Variants in AGAP1 observed in about 807,000 individuals in gnomAD.
The protein encoded by AGAP1 is arf-GAP with GTPase, ANK repeat and PH domain-containing protein 1.
Under a neutral mutation model 105.3 loss-of-function variants are expected in AGAP1, and 29 were observed. The ratio of observed to expected loss-of-function variants is 0.28; its 90% CI spans 0.21 to 0.38. The LOEUF is 0.38. Ranked by LOEUF, AGAP1 falls within the 10% of genes least tolerant of loss-of-function variation. The pLI, the probability that AGAP1 is intolerant of heterozygous loss-of-function variation, is 1.00. For missense variants in AGAP1, 998 were observed against 1,165.1 expected (o/e 0.86, Z 2.09); for synonymous variants, 509 against 485.9 (o/e 1.05, Z -0.63).
In AGAP1 at chr2:236,126,337, G is replaced by A. The variant is rs542943553; in HGVS notation, c.*2215G>A. 6.6e-6 allele frequency: 1 copy of A among 152,150 alleles called. No homozygotes were observed. Among genetic ancestry groups the A allele is most frequent in the African/African-American group, 2.4e-5 (1 of 41,496 alleles). 9.4% of individuals were successfully genotyped at this position (152,150 alleles called of 1,614,324 possible). A position where few individuals can be genotyped will look rare whatever the true frequency, so the allele number is the denominator to read the frequency against. ...GTGTTCGAGTCCACTAGACACACTC[G>A]CTCCACACAGCCTTCACCGTAGACT... On this transcript the variant is annotated 3_prime_UTR_variant, in exon 18 of 18. Coordinates refer to ENST00000304032, the MANE Select transcript of AGAP1 (RefSeq NM_001037131.3).
rs183610582 is a variant in AGAP1, at chr2:235,692,681, G to A, written c.164-16498G>A. On this transcript the variant is annotated intron_variant, in intron 1 of 17. Coordinates refer to ENST00000304032, the MANE Select transcript of AGAP1 (RefSeq NM_001037131.3). The surrounding 1 kb of genome is among the most constrained non-coding windows in gnomAD (Gnocchi z 5.8). ...TCAGGCCCAGCACCTCAGAGAAGCCGATGACTGACGTGCACCCCGCCAGCC... is the reference window on the plus strand; with the variant it reads ...TCAGGCCCAGCACCTCAGAGAAGCCAATGACTGACGTGCACCCCGCCAGCC... Among the ~76,000 whole-genome samples the A allele has an allele frequency of 5.9e-5, 9 of 152,208 alleles. No homozygotes were observed. Among genetic ancestry groups the A allele is most frequent in the African/African-American group, 2.2e-4 (9 of 41,540 alleles).
chr2:235,968,850 C>T (rs1201425666), intron 13 of AGAP1, among the ~76,000 whole-genome samples: 2 of 152,164 alleles, frequency 1.3e-5, no homozygotes, highest in Admixed American at 1.3e-4. Flanking sequence ...CTCTTGGCCG[C>T]CGTCGCTGGT....
Position 235,621,067 on chromosome 2 carries a change from G to T in AGAP1, c.164-88112G>T, listed in dbSNP as rs779400666. ...ACCCAGTCTCGCTCTTGTCTCCCAG[G>T]CTGGAGTACAATGGCACAATCTTGG... On this transcript the variant is annotated intron_variant, in intron 1 of 17. Coordinates refer to ENST00000304032, the MANE Select transcript of AGAP1 (RefSeq NM_001037131.3). The surrounding 1 kb of genome is among the most constrained non-coding windows in gnomAD (Gnocchi z 4.1). 6.6e-6 allele frequency among the ~76,000 whole-genome samples: 1 copy of T among 152,070 alleles called. No individual in the cohort carries two copies. Among genetic ancestry groups the T allele is most frequent in the African/African-American group, 2.4e-5 (1 of 41,406 alleles).
At chr2:236,004,787 G>A (rs912236216) in intron 13 of AGAP1, among the ~76,000 whole-genome samples, 3 of 152,226 alleles carry the variant, frequency 2.0e-5, no homozygotes, top group African/African-American at 4.8e-5. Context: ...CATATAGTGT[G>A]TGTGCCACAG....
chr2:235,857,877 C>A (rs760627227), intron 9 of AGAP1, among the ~76,000 whole-genome samples: 1 of 152,220 alleles, frequency 6.6e-6, no homozygotes, highest in East Asian at 1.9e-4. Flanking sequence ...GCAGGCCTAT[C>A]GCCCTGTGCC....
In AGAP1 at chr2:235,618,983, G is replaced by T. The variant is rs569907385; in HGVS notation, c.164-90196G>T. 3.3e-5 allele frequency among the ~76,000 whole-genome samples: 5 copies of T among 152,300 alleles called. No homozygotes were observed. The East Asian group carries it at 9.6e-4, about 29-fold the overall frequency. ...GATCTTTTGGGTCAGAGTCACAGAAGGAGATGTGAATATGAAAGCAGAGGC... is the reference window on the plus strand; with the variant it reads ...GATCTTTTGGGTCAGAGTCACAGAATGAGATGTGAATATGAAAGCAGAGGC... On this transcript the variant is annotated intron_variant, in intron 1 of 17. Coordinates refer to ENST00000304032, the MANE Select transcript of AGAP1 (RefSeq NM_001037131.3).
In AGAP1 at chr2:235,959,636, T is replaced by C. The variant is rs1029430593; in HGVS notation, c.1484-8826T>C. Reference sequence around the variant, plus strand: ...CACTTCCTGCCCGACTTCTGTCTCCTGCCACGGCCCCCCTCAATTCACATC... The same window carrying C: ...CACTTCCTGCCCGACTTCTGTCTCCCGCCACGGCCCCCCTCAATTCACATC... On this transcript the variant is annotated intron_variant, in intron 12 of 17. Coordinates refer to ENST00000304032, the MANE Select transcript of AGAP1 (RefSeq NM_001037131.3). The surrounding 1 kb of genome is among the most constrained non-coding windows in gnomAD (Gnocchi z 7.3). Among the ~76,000 whole-genome samples, 2 of 152,056 alleles carry C rather than the reference T, an allele frequency of 1.3e-5. No individual in the cohort carries two copies. The highest frequency in any genetic ancestry group is 4.8e-5 in the African/African-American group (2 of 41,412).
At position 235,988,713 on chromosome 2, in the gene AGAP1, G is replaced by A. The variant is rs886733334; in HGVS notation, c.1645+20090G>A. ...GACGAGAAATGATTATTTTTTTCCC[G>A]CCGACTCCACTCTGGCCAAGACGAG... On this transcript the variant is annotated intron_variant, in intron 13 of 17. Coordinates refer to ENST00000304032, the MANE Select transcript of AGAP1 (RefSeq NM_001037131.3). This position sits in a 1 kb window ranked among gnomAD's most constrained non-coding sequence, Gnocchi z 4.7. Among the ~76,000 whole-genome samples the A allele has an allele frequency of 1.3e-5, 2 of 151,930 alleles. No individual in the cohort carries two copies. The highest frequency in any genetic ancestry group is 6.6e-5 in the Admixed American group (1 of 15,256).
chr2:235,809,950 C>G (rs368986179), intron 9 of AGAP1, among the ~76,000 whole-genome samples: 1 of 152,268 alleles, frequency 6.6e-6, no homozygotes, highest in Non-Finnish European at 1.5e-5. Context: ...TAGCTGTGTT[C>G]TCCTTATTTT....
chr2:236,120,621 G>A lies in AGAP1; in HGVS notation c.2370+174G>A, dbSNP rs189802842. On this transcript the variant is annotated intron_variant, in intron 17 of 17. Transcript: ENST00000304032. The surrounding 1 kb of genome is among the most constrained non-coding windows in gnomAD (Gnocchi z 6.0). ...CAGAGGGCCTTACGGAGAGACAGCCGGTCCTCCTTGTACAGTACTTGCTAG... is the reference window on the plus strand; with the variant it reads ...CAGAGGGCCTTACGGAGAGACAGCCAGTCCTCCTTGTACAGTACTTGCTAG... Among the ~76,000 whole-genome samples, 64 of 152,330 alleles carry A rather than the reference G, an allele frequency of 4.2e-4. No homozygotes were observed. Among genetic ancestry groups the A allele is most frequent in the Non-Finnish European group, 7.8e-4 (53 of 68,036 alleles).
At position 236,005,884 on chromosome 2, in the gene AGAP1, T is replaced by G. The variant is rs2056305039; in HGVS notation, c.1646-30677T>G. 6.6e-6 allele frequency among the ~76,000 whole-genome samples: 1 copy of G among 152,222 alleles called. No homozygotes were observed. Among genetic ancestry groups the G allele is most frequent in the East Asian group, 1.9e-4 (1 of 5,194 alleles). ...TGATCCTTTGACTTGAGGTAGTGTC[T>G]GTCAAGTTATTCTGCTGTAAAGTCA... is the stretch of plus-strand genomic sequence containing the variant. On this transcript the variant is annotated intron_variant, in intron 13 of 17. Transcript: ENST00000304032. The surrounding 1 kb of genome is among the most constrained non-coding windows in gnomAD (Gnocchi z 4.1).
chr2:236,038,055 CATT>C lies in AGAP1; in HGVS notation c.1800+1349_1800+1351del, dbSNP rs72418098. Among the ~76,000 whole-genome samples, 1,187 of 152,264 alleles carry C rather than the reference CATT, an allele frequency of 7.8e-3. 12 individuals are homozygous for C. The highest frequency in any genetic ancestry group is 0.027 in the African/African-American group (1,124 of 41,532). On this transcript the variant is annotated intron_variant, in intron 14 of 17. Transcript: ENST00000304032. The surrounding 1 kb of genome is among the most constrained non-coding windows in gnomAD (Gnocchi z 4.5). ...TAACCAGGGTAAACCAGACCACAGTCATTATTATTATAATGTAATTTGCTTCCC... is the reference window on the plus strand; with the variant it reads ...TAACCAGGGTAAACCAGACCACAGTCATTATTATAATGTAATTTGCTTCCC...
intron 1 of AGAP1, chr2:235,670,474 G>A (rs1165168087): frequency 1.3e-5 from 7 of 521,694 alleles, no homozygotes; most frequent in East Asian, 1.1e-4. Context: ...GCAGCGCCCC[G>A]GCCGAGGAGG....
At chr2:235,696,206 C>T (rs1276253024) in intron 1 of AGAP1, among the ~76,000 whole-genome samples, 1 of 152,144 alleles carries the variant, frequency 6.6e-6, no homozygotes, top group African/African-American at 2.4e-5. Flanking sequence ...CCCCCATGCC[C>T]AGCTAATTTT....
chr2:236,063,507 A>C (rs2058263413), intron 16 of AGAP1, among the ~76,000 whole-genome samples: 2 of 152,250 alleles, frequency 1.3e-5, no homozygotes. Context: ...AGCAAAACAC[A>C]CAAAAGGTAA....
At chr2:235,803,624 TC>T (rs1387975567) in intron 8 of AGAP1, among the ~76,000 whole-genome samples, 1 of 152,240 alleles carries the variant, frequency 6.6e-6, no homozygotes, top group Non-Finnish European at 1.5e-5. Flanking sequence ...TATCATTTTT[TC>T]CAATACCATT....
At chr2:235,520,806 CTAAT>C (rs911194855) in intron 1 of AGAP1, among the ~76,000 whole-genome samples, 2 of 152,102 alleles carry the variant, frequency 1.3e-5, no homozygotes, top group Admixed American at 6.6e-5. Flanking sequence ...TTAAAATTGA[CTAAT>C]TAGTTTTAGA....
chr2:236,106,489 A>G (rs1013950199), intron 16 of AGAP1, among the ~76,000 whole-genome samples: 12 of 152,200 alleles, frequency 7.9e-5, no homozygotes, highest in Admixed American at 2.6e-4. Context: ...CCTCTGTGTG[A>G]TGGGCACCAC....
chr2:235,770,698 T>C (rs1227801988), intron 6 of AGAP1, among the ~76,000 whole-genome samples: 1 of 142,504 alleles, frequency 7.0e-6, no homozygotes, highest in African/African-American at 2.5e-5. Flanking sequence ...TTAGAAAAGC[T>C]GGTGGATTTT....
Sources: allele counts gnomAD v4.1 joint callset (sites outside exome capture counted in the v4.1 genomes callset), GRCh38; gene constraint gnomAD v4.1.1; non-coding constraint Gnocchi (gnomAD v3.1); transcripts MANE v1.5; gene names NCBI Gene and HGNC (gene_info 2026-07-23, HGNC 2026-07-21).